Variants in CHMP2B observed in about 807,000 individuals in gnomAD.
CHMP2B encodes VPS2 homolog B.
In CHMP2B, 22 loss-of-function variants were observed where a neutral mutation model predicts 29.8. The ratio of observed to expected loss-of-function variants is 0.74; its 90% CI spans 0.53 to 1.05. The LOEUF (loss-of-function observed/expected upper bound fraction) is 1.05. Ranked by LOEUF, CHMP2B falls within the 50% of genes least tolerant of loss-of-function variation. The probability of loss-of-function intolerance (pLI) is 0.00; values close to 1 mark genes in which losing one functional copy is unlikely to be tolerated. For missense variants in CHMP2B, 261 were observed against 252.2 expected (o/e 1.03, Z -0.24); for synonymous variants, 78 against 75.8 (o/e 1.03, Z -0.15).
At chr3:87,240,588 C>T (rs1316170174) in intron 1 of CHMP2B, 111 bp from the exon 2 acceptor site, 4 of 783,392 alleles carry the variant, frequency 5.1e-6, no homozygotes, top group East Asian at 5.5e-5. Context: ...TGAGCCACTG[C>T]GCCCAGCCAA....
chr3:87,238,306 A>G (rs556477928), intron 1 of CHMP2B, among the ~76,000 whole-genome samples: 1 of 152,328 alleles, frequency 6.6e-6, no homozygotes, highest in South Asian at 2.1e-4. Flanking sequence ...TGTTACCACT[A>G]CCTGTATCTA....
intron 1 of CHMP2B, among the ~76,000 whole-genome samples, chr3:87,234,067 A>C (rs1398583777): frequency 1.3e-5 from 2 of 152,120 alleles, no homozygotes; most frequent in Non-Finnish European, 2.9e-5. Flanking sequence ...ACCTTCCCCC[A>C]AAAGAAAGGC....
chr3:87,240,530 G>A (rs1309522535), intron 1 of CHMP2B, 169 bp from the exon 2 acceptor site: 27 of 547,680 alleles, frequency 4.9e-5, no homozygotes, highest in South Asian at 1.1e-4. Context: ...GGCTGGTCTC[G>A]AACTCCTGAC....
rs575496592 is a variant in CHMP2B, at chr3:87,248,670, G to A, written c.322-1205G>A. Among the ~76,000 whole-genome samples the A allele has an allele frequency of 4.7e-5, 7 of 149,944 alleles. No individual in the cohort carries two copies. In the East Asian group the frequency reaches 1.2e-3, roughly 26 times the overall value. Reference sequence around the variant, plus strand: ...GGCAATAGTGCAAAGTTTAATCCATGTTAGTTCTCATAGGCATATTATGGA... The same window carrying A: ...GGCAATAGTGCAAAGTTTAATCCATATTAGTTCTCATAGGCATATTATGGA... On this transcript the variant is annotated intron_variant, in intron 3 of 5. Coordinates refer to ENST00000263780, the MANE Select transcript of CHMP2B (RefSeq NM_014043.4).
chr3:87,251,336 T>C (rs1181787630), intron 4 of CHMP2B, among the ~76,000 whole-genome samples: 2 of 151,980 alleles, frequency 1.3e-5, no homozygotes, highest in Non-Finnish European at 2.9e-5. Flanking sequence ...GAGAGAATTG[T>C]TATTTATATA....
intron 1 of CHMP2B, chr3:87,240,403 C>T: frequency 3.5e-6 from 1 of 286,030 alleles, no homozygotes; most frequent in East Asian, 7.9e-5. Flanking sequence ...CATCACCTCC[C>T]AGATTCAAGC....
intron 1 of CHMP2B, among the ~76,000 whole-genome samples, chr3:87,235,695 C>G (rs999948639): frequency 4.6e-5 from 7 of 152,128 alleles, no homozygotes; most frequent in African/African-American, 1.4e-4. Context: ...ATGGCTATAT[C>G]TAGCCTTGAC....
At chr3:87,249,000 C>A (rs1432476208) in intron 3 of CHMP2B, among the ~76,000 whole-genome samples, 1 of 152,108 alleles carries the variant, frequency 6.6e-6, no homozygotes, top group Non-Finnish European at 1.5e-5. Context: ...GGGATACATT[C>A]TGAAAAATTC....
At chr3:87,236,134 T>A (rs1706003748) in intron 1 of CHMP2B, among the ~76,000 whole-genome samples, 1 of 152,080 alleles carries the variant, frequency 6.6e-6, no homozygotes, top group South Asian at 2.1e-4. Flanking sequence ...TAAGGTTTTT[T>A]TATAACCTAA....
At chr3:87,229,154 A>G (rs112231379) in intron 1 of CHMP2B, among the ~76,000 whole-genome samples, 67 of 152,300 alleles carry the variant, frequency 4.4e-4, no homozygotes, top group African/African-American at 1.6e-3. Flanking sequence ...TTTCAAAGAC[A>G]TAAATCTCAG....
At chr3:87,244,160 C>T (rs1327978715) in intron 2 of CHMP2B, among the ~76,000 whole-genome samples, 1 of 150,768 alleles carries the variant, frequency 6.6e-6, no homozygotes, top group Non-Finnish European at 1.5e-5. Context: ...GATTCTTCTG[C>T]CTCAGCCTCC....
chr3:87,253,324 G>A (rs1282221700), intron 4 of CHMP2B, 80 bp from the exon 5 acceptor site: 4 of 830,346 alleles, frequency 4.8e-6, no homozygotes, highest in Non-Finnish European at 8.4e-6. Context: ...CAAAATAGTT[G>A]GGCTAGACTG....
intron 1 of CHMP2B, among the ~76,000 whole-genome samples, chr3:87,235,157 A>G (rs1235837142): frequency 1.3e-5 from 2 of 152,226 alleles, no homozygotes; most frequent in African/African-American, 4.8e-5. Context: ...CTTCTCTTAA[A>G]GAGATTGTAA....
At chr3:87,246,256 G>T (rs985090766) in intron 3 of CHMP2B, among the ~76,000 whole-genome samples, 6 of 151,844 alleles carry the variant, frequency 4.0e-5, no homozygotes, top group Non-Finnish European at 7.4e-5. Flanking sequence ...TCCTGCCTCA[G>T]CCTCCTGAGT....
At chr3:87,233,759 G>T (rs193157067) in intron 1 of CHMP2B, among the ~76,000 whole-genome samples, 18 of 152,196 alleles carry the variant, frequency 1.2e-4, no homozygotes, top group Admixed American at 1.1e-3. Context: ...TAGGATGTGG[G>T]AACATTTTGT....
At chr3:87,229,146 T>C (rs1161572951) in intron 1 of CHMP2B, among the ~76,000 whole-genome samples, 1 of 152,136 alleles carries the variant, frequency 6.6e-6, no homozygotes, top group Non-Finnish European at 1.5e-5. Flanking sequence ...TCAAATATTT[T>C]CAAAGACATA....
At chr3:87,249,156 A>G (rs897359150) in intron 3 of CHMP2B, among the ~76,000 whole-genome samples, 4 of 152,212 alleles carry the variant, frequency 2.6e-5, no homozygotes, top group Middle Eastern at 3.2e-3. Context: ...CAGTTGTAAC[A>G]TAATGGTTTA....
At chr3:87,228,696 T>A in intron 1 of CHMP2B, among the ~76,000 whole-genome samples, 1 of 152,212 alleles carries the variant, frequency 6.6e-6, no homozygotes, top group East Asian at 1.9e-4. Flanking sequence ...ACATAATACA[T>A]TTTTCCTTAC....
intron 2 of CHMP2B, among the ~76,000 whole-genome samples, chr3:87,245,213 AT>A (rs1446055243): frequency 6.6e-6 from 1 of 152,096 alleles, no homozygotes; most frequent in Non-Finnish European, 1.5e-5. Context: ...TTGTTTTTGT[AT>A]AAGTTGGTGT....
Sources: allele counts gnomAD v4.1 joint callset (sites outside exome capture counted in the v4.1 genomes callset), GRCh38; gene constraint gnomAD v4.1.1; transcripts MANE v1.5; gene names NCBI Gene and HGNC (gene_info 2026-07-23, HGNC 2026-07-21).